SIPA1L2: variants seen among roughly 807,000 people sequenced by gnomAD.
The protein encoded by SIPA1L2 is signal induced proliferation associated 1 like 2, also known as signal-induced proliferation-associated 1-like protein 2.
SIPA1L2 carries 56 observed loss-of-function variants against 163.9 expected under a neutral mutation model. The ratio of observed to expected loss-of-function variants is 0.34; its 90% CI spans 0.28 to 0.43. The LOEUF (loss-of-function observed/expected upper bound fraction) is 0.43, where lower values mean the gene tolerates loss of function less well. SIPA1L2 is among the 20% of genes least tolerant of loss of function. The pLI is 1.00. For synonymous variants in SIPA1L2, 877 were observed against 865.7 expected (o/e 1.01, Z -0.23); for missense variants, 1,974 against 2,193.5 (o/e 0.90, Z 2.00).
intron 2 of SIPA1L2, among the ~76,000 whole-genome samples, chr1:232,537,749 G>T (rs1657402975): frequency 6.6e-6 from 1 of 152,182 alleles, no homozygotes; most frequent in African/African-American, 2.4e-5. Flanking sequence ...GTAAAATGGA[G>T]AATTAATAGG....
In SIPA1L2 at chr1:232,401,693, CT is replaced by C. The variant is rs1350977718; in HGVS notation, c.5022+698del. Among the ~76,000 whole-genome samples the C allele has an allele frequency of 2.4e-4, 36 of 152,160 alleles. 1 individual carries two copies. Among genetic ancestry groups the C allele is most frequent in the African/African-American group, 8.2e-4 (34 of 41,450 alleles). ...TAGATCAGAACTCCACCCACTTGCT[CT>C]TCACCCTCATCATAATTTCCCTCCC... On this transcript the variant is annotated intron_variant, in intron 22 of 22. Transcript: ENST00000674635.
At chr1:232,476,813 G>A (rs781206459) in intron 7 of SIPA1L2, among the ~76,000 whole-genome samples, 1 of 152,162 alleles carries the variant, frequency 6.6e-6, no homozygotes, top group African/African-American at 2.4e-5. Context: ...TTTATTACAA[G>A]AAGGAACACA....
chr1:232,599,253 T>A (rs1453214965), intron 1 of SIPA1L2, among the ~76,000 whole-genome samples: 1 of 152,178 alleles, frequency 6.6e-6, no homozygotes, highest in Non-Finnish European at 1.5e-5. Flanking sequence ...CACCGCAGCT[T>A]CTGCAAATAC....
At chr1:232,413,599 CT>C (rs1343944170) in intron 19 of SIPA1L2, among the ~76,000 whole-genome samples, 2 of 152,316 alleles carry the variant, frequency 1.3e-5, no homozygotes, top group East Asian at 3.9e-4. Flanking sequence ...TGGGATAGTT[CT>C]GGGCTGTGTA....
chr1:232,459,304 C>A (rs1055202038), intron 10 of SIPA1L2, among the ~76,000 whole-genome samples: 1 of 152,212 alleles, frequency 6.6e-6, no homozygotes, highest in East Asian at 1.9e-4. Flanking sequence ...TGGTTTGTGG[C>A]TACTGCTCTG....
At chr1:232,626,956 T>C (rs1663108762) in intron 1 of SIPA1L2, among the ~76,000 whole-genome samples, 1 of 152,146 alleles carries the variant, frequency 6.6e-6, no homozygotes, top group African/African-American at 2.4e-5. Flanking sequence ...ACTCTGCAAA[T>C]GAATTAGGCA....
intron 1 of SIPA1L2, among the ~76,000 whole-genome samples, chr1:232,599,266 C>T (rs1222224881): frequency 6.6e-6 from 1 of 152,180 alleles, no homozygotes; most frequent in Admixed American, 6.5e-5. Context: ...GCAAATACCA[C>T]CCACTCTGCC....
intron 9 of SIPA1L2, chr1:232,462,073 A>T (rs1189115554): frequency 1.4e-5 from 11 of 800,018 alleles, no homozygotes; most frequent in Non-Finnish European, 2.1e-5. Context: ...TATGTACCTT[A>T]CTCAAGAGTG....
At chr1:232,565,141 G>T (rs907425588) in intron 2 of SIPA1L2, among the ~76,000 whole-genome samples, 2 of 152,124 alleles carry the variant, frequency 1.3e-5, no homozygotes, top group African/African-American at 4.8e-5. Flanking sequence ...TCAAATAAAA[G>T]AAAATAGCTA....
intron 1 of SIPA1L2, among the ~76,000 whole-genome samples, chr1:232,576,517 CCT>C (rs1185396147): frequency 6.6e-6 from 1 of 152,168 alleles, no homozygotes; most frequent in Non-Finnish European, 1.5e-5. Context: ...CTCCCGATTC[CCT>C]GAGACACAAC....
At chr1:232,437,253 C>T (rs1296842575) in intron 15 of SIPA1L2, among the ~76,000 whole-genome samples, 1 of 152,114 alleles carries the variant, frequency 6.6e-6, no homozygotes, top group Non-Finnish European at 1.5e-5. Flanking sequence ...GTCATGAAAT[C>T]AGCTCTTTTA....
intron 2 of SIPA1L2, among the ~76,000 whole-genome samples, chr1:232,565,626 T>C (rs1659354999): frequency 6.6e-6 from 1 of 152,230 alleles, no homozygotes; most frequent in South Asian, 2.1e-4. Context: ...TTACCAAGAA[T>C]TAAATCTGAA....
rs547510510 is a variant in SIPA1L2 at position 232,513,496 on chromosome 1, T to C, written c.1483+361A>G. 2.6e-5 allele frequency among the ~76,000 whole-genome samples: 4 copies of C among 152,154 alleles called. No homozygotes were observed. The South Asian group carries it at 8.3e-4, about 32-fold the overall frequency. The stretch of plus-strand genomic sequence containing the variant: ...CACTGTAAGCAGCATAAGAGATTAT[T>C]CAGAGGAATAGGAGGAGGACAGAAT... On this transcript the variant is annotated intron_variant, in intron 3 of 22. Coordinates refer to ENST00000674635, the MANE Select transcript of SIPA1L2 (RefSeq NM_020808.5).
chr1:232,468,125 T>C (rs905945109), intron 8 of SIPA1L2, among the ~76,000 whole-genome samples: 3 of 152,200 alleles, frequency 2.0e-5, no homozygotes, highest in Non-Finnish European at 4.4e-5. Context: ...CAAAAGCTCA[T>C]AGGATCCTTA....
intron 12 of SIPA1L2, among the ~76,000 whole-genome samples, chr1:232,442,297 C>T (rs1662950468): frequency 6.6e-6 from 1 of 151,098 alleles, no homozygotes; most frequent in African/African-American, 2.4e-5. Context: ...TGCCTGTAAT[C>T]CCAGCACTTT....
intron 22 of SIPA1L2, among the ~76,000 whole-genome samples, chr1:232,402,064 C>CATCTCATA (rs1363176028): frequency 1.3e-5 from 2 of 152,312 alleles, no homozygotes; most frequent in African/African-American, 4.8e-5. Context: ...CCTCTGAGGT[C>CATCTCATA]ATCTCATACA....
chr1:232,478,466 T>C (rs184590902), intron 7 of SIPA1L2, among the ~76,000 whole-genome samples: 26 of 152,292 alleles, frequency 1.7e-4, no homozygotes, highest in Non-Finnish European at 3.4e-4. Flanking sequence ...GTTGGCTGGT[T>C]TCCTCTTTGG....
intron 1 of SIPA1L2, among the ~76,000 whole-genome samples, chr1:232,607,754 C>CT (rs920055575): frequency 1.1e-4 from 16 of 142,644 alleles, no homozygotes; most frequent in African/African-American, 3.0e-4. Flanking sequence ...TATTTCACCT[C>CT]TTTTTTAAAA....
chr1:232,485,039 C>G (rs1665575446), intron 5 of SIPA1L2, among the ~76,000 whole-genome samples: 1 of 152,174 alleles, frequency 6.6e-6, no homozygotes. Flanking sequence ...ACATACTATG[C>G]AAGAAAGGCA....
Sources: gnomAD v4.1 joint callset for allele counts (sites outside exome capture counted in the v4.1 genomes callset) on GRCh38, gnomAD v4.1.1 for gene constraint, MANE v1.5 for transcripts, NCBI Gene and HGNC (gene_info 2026-07-23, HGNC 2026-07-21) for gene names.